The following DNAH5 variants were observed in gnomAD, a reference collection of about 807,000 sequenced individuals.
DNAH5 encodes dynein axonemal heavy chain 5, also known as axonemal beta dynein heavy chain 5.
Under a neutral mutation model 518.2 loss-of-function variants are expected in DNAH5, and 372 were observed. The observed-to-expected ratio is 0.72, with a 90% CI of 0.66 to 0.78. DNAH5 has a LOEUF of 0.78. Ranked by LOEUF, DNAH5 falls within the 30% of genes least tolerant of loss-of-function variation. The probability of loss-of-function intolerance (pLI) is 0.00; values close to 1 mark genes in which losing one functional copy is unlikely to be tolerated. For missense variants in DNAH5, 5,523 were observed against 5,687.0 expected (o/e 0.97, Z 0.93); for synonymous variants, 2,039 against 2,025.9 (o/e 1.01, Z -0.17).
intron 7 of DNAH5, among the ~76,000 whole-genome samples, chr5:13,918,766 C>T (rs140456269): frequency 3.3e-5 from 5 of 152,292 alleles, no homozygotes; most frequent in African/African-American, 1.2e-4. Context: ...CCACGCCTGG[C>T]CTATTGACTG....
intron 13 of DNAH5, 21 bp from the exon 14 acceptor site, chr5:13,901,594 A>G (rs528187755): frequency 7.9e-6 from 12 of 1,521,310 alleles, no homozygotes; most frequent in East Asian, 4.6e-5. Flanking sequence ...TAAAAAGTTA[A>G]AAGCTTGAAT....
At chr5:13,750,817 T>A (rs1460221243) in intron 65 of DNAH5, among the ~76,000 whole-genome samples, 2 of 152,184 alleles carry the variant, frequency 1.3e-5, no homozygotes, top group Non-Finnish European at 2.9e-5. Flanking sequence ...TGAGACTGAT[T>A]CCTCGTAGTT....
intron 65 of DNAH5, among the ~76,000 whole-genome samples, chr5:13,745,967 T>A (rs1205980603): frequency 6.6e-6 from 1 of 152,162 alleles, no homozygotes; most frequent in Non-Finnish European, 1.5e-5. Context: ...TATTTTTTAC[T>A]TTATTTTCCA....
In DNAH5 at chr5:13,865,605, C is replaced by T. The variant is rs530390298; in HGVS notation, c.4355+63G>A. ...CTGGGGTGAAAAGAGAACTTGGCTG[C>T]CTATCAAAGAGGAAAGCATTTGAAG... is the stretch of plus-strand genomic sequence containing the variant. On this transcript the variant is annotated intron_variant, in intron 27 of 78. Transcript: ENST00000265104. 6.5e-4 allele frequency: 649 copies of T among 999,690 alleles called. 4 individuals carry two copies. The highest frequency in any genetic ancestry group is 3.4e-5 in the Non-Finnish European group (21 of 620,466). 61.9% of individuals were successfully genotyped at this position (999,690 alleles called of 1,614,324 possible).
At chr5:13,779,689 C>T (rs1260250584) in intron 53 of DNAH5, among the ~76,000 whole-genome samples, 1 of 152,218 alleles carries the variant, frequency 6.6e-6, no homozygotes, top group East Asian at 1.9e-4. Flanking sequence ...ACTACACCCA[C>T]ATCTGTGGTC....
chr5:13,866,281 T>C lies in DNAH5; in HGVS notation c.4055A>G (p.Asn1352Ser), dbSNP rs925954695. The C allele has an allele frequency of 1.2e-6, 2 of 1,612,798 alleles. No individual in the cohort carries two copies. Among genetic ancestry groups the C allele is most frequent in the Non-Finnish European group, 8.5e-7 (1 of 1,179,622 alleles). The change falls in exon 26 of 79, where the codon AAT (asparagine) becomes AGT (serine). Residue 1352 changes from asparagine (N) to serine (S), a missense_variant and splice_region_variant. By Grantham distance (46) the Asn-to-Ser change is conservative. Coordinates refer to ENST00000265104, the MANE Select transcript of DNAH5 (RefSeq NM_001369.3). ...CHQFYLDYDL[N>S]GPMASGLKPQ... is the part of the protein sequence containing the mutation. ...CTTCAAGCCGCTAGCCATTGGACCA[T>C]TCTGAACAAAAAGTAAAAAAAGAAA... is the stretch of plus-strand genomic sequence containing the variant.
intron 42 of DNAH5, 60 bp from the exon 43 acceptor site, chr5:13,814,906 A>G: frequency 1.3e-6 from 2 of 1,507,090 alleles, no homozygotes; most frequent in East Asian, 2.3e-5. Flanking sequence ...GCATGTACAC[A>G]TAAGTTTAAA....
chr5:13,919,393 C>T, intron 6 of DNAH5, 41 bp from the exon 7 acceptor site: 1 of 1,607,212 alleles, frequency 6.2e-7, no homozygotes, highest in Non-Finnish European at 8.5e-7. Context: ...TTGCACGGGG[C>T]TGGAGACGCT....
In DNAH5 at chr5:13,735,307, G is replaced by C. The variant is rs763954304; in HGVS notation, c.11585C>G (p.Pro3862Arg). 1 of 1,613,918 alleles carries C rather than the reference G, an allele frequency of 6.2e-7. No homozygotes were observed. Among genetic ancestry groups the C allele is most frequent in the Non-Finnish European group, 8.5e-7 (1 of 1,179,940 alleles). The part of the protein sequence containing the change: ...DLSLARSVKS[P>R]ITSKRIANII... ...ATTAGCAATCCTCTTGCTTGTAATCGGGCTCTTGACAGACCTGGTGAATAG... is the reference window on the plus strand; with the variant it reads ...ATTAGCAATCCTCTTGCTTGTAATCCGGCTCTTGACAGACCTGGTGAATAG... The change falls in exon 68 of 79, where the codon CCG becomes CGG. Residue 3862 changes from proline to arginine, a missense_variant. Physicochemically the swap from Pro to Arg is moderately radical, Grantham distance 103. Transcript: ENST00000265104.
intron 1 of DNAH5, among the ~76,000 whole-genome samples, chr5:13,974,382 C>T (rs541916486): frequency 3.3e-5 from 5 of 152,260 alleles, no homozygotes; most frequent in African/African-American, 7.2e-5. Flanking sequence ...GCCTTGGCCT[C>T]CCAAAATGCT....
intron 16 of DNAH5, among the ~76,000 whole-genome samples, 185 bp from the exon 17 acceptor site, chr5:13,891,306 T>C: frequency 6.6e-6 from 1 of 152,240 alleles, no homozygotes; most frequent in Non-Finnish European, 1.5e-5. Context: ...TTGTTAACTT[T>C]CTAATACTAA....
At chr5:13,780,759 A>T (rs1754982964) in intron 53 of DNAH5, 70 bp downstream of exon 53, 2 of 1,549,832 alleles carry the variant, frequency 1.3e-6, no homozygotes, top group African/African-American at 2.7e-5. Context: ...AATGCATTTG[A>T]ACTTCAGGTG....
rs548597594 is a variant in DNAH5 at position 13,973,924 on chromosome 5, C to T, written c.12+37724G>A. ...AACTGCCTGTCTGACTTCCGACTGA[C>T]GTCACTCTTCTTATTGGTACATGTG... On this transcript the variant is annotated intron_variant, in intron 1 of 78. Transcript: ENST00000681290. 6.0e-4 allele frequency among the ~76,000 whole-genome samples: 91 copies of T among 152,140 alleles called. 1 individual carries two copies. In the South Asian group the frequency reaches 0.014, roughly 24 times the overall value.
At position 13,855,430 on chromosome 5, in the gene DNAH5, G is replaced by A. The variant is rs1767489368; in HGVS notation, c.4950+4022C>T. 3.9e-5 allele frequency among the ~76,000 whole-genome samples: 2 copies of A among 50,844 alleles called. 1 individual carries two copies. The highest frequency in any genetic ancestry group is 9.9e-5 in the Non-Finnish European group (2 of 20,294). The allele number at this position is 50,844 out of a possible 152,430, so 33.4% of individuals were successfully genotyped here. ...TCACCGTTTTAGCCGGGATGGTCTC[G>A]ATCTCCTGACCTCGTGATCCGCCCG... On this transcript the variant is annotated intron_variant, in intron 30 of 78. Transcript: ENST00000265104.
chr5:13,727,397 C>A (rs1005513473), intron 70 of DNAH5, 110 bp downstream of exon 70: 25 of 1,088,624 alleles, frequency 2.3e-5, no homozygotes, highest in Non-Finnish European at 3.2e-5. Flanking sequence ...ACACAGAGGC[C>A]TACAAGAAAA....
intron 16 of DNAH5, among the ~76,000 whole-genome samples, chr5:13,893,464 A>G (rs1773530074): frequency 6.6e-6 from 1 of 152,188 alleles, no homozygotes; most frequent in South Asian, 2.1e-4. Context: ...GAATAACACA[A>G]AAGAAGTATA....
chr5:13,827,409 C>T (rs955742112), intron 38 of DNAH5, among the ~76,000 whole-genome samples: 4 of 150,702 alleles, frequency 2.7e-5, no homozygotes, highest in Non-Finnish European at 5.9e-5. Context: ...GTTTCCTGGG[C>T]CAGGTCCAGG....
At chr5:13,981,084 AC>A (rs1293890538) in intron 1 of DNAH5, among the ~76,000 whole-genome samples, 3 of 152,130 alleles carry the variant, frequency 2.0e-5, no homozygotes, top group Non-Finnish European at 4.4e-5. Flanking sequence ...CCCTTGCTTC[AC>A]TTATTTTTGC....
At chr5:13,806,119 A>T (rs577816928) in intron 47 of DNAH5, among the ~76,000 whole-genome samples, 1 of 152,338 alleles carries the variant, frequency 6.6e-6, no homozygotes, top group South Asian at 2.1e-4. Context: ...TAACCTTTAA[A>T]GAGAATGTCC....
Sources: allele counts gnomAD v4.1 joint callset (sites outside exome capture counted in the v4.1 genomes callset), GRCh38; gene constraint gnomAD v4.1.1; transcripts MANE v1.5; gene names NCBI Gene and HGNC (gene_info 2026-07-23, HGNC 2026-07-21).